Variants in PARL observed in about 807,000 individuals in gnomAD.
PARL encodes presenilin-associated rhomboid-like protein, mitochondrial.
Under a neutral mutation model 51.6 loss-of-function variants are expected in PARL, and 44 were observed. The observed-to-expected ratio is 0.85, with a 90% confidence interval of 0.67 to 1.10. The LOEUF is 1.10. PARL is among the 50% of genes least tolerant of loss of function. The probability of loss-of-function intolerance (pLI) is 0.00; values close to 1 mark genes in which losing one functional copy is unlikely to be tolerated. For missense variants in PARL, 441 were observed against 469.5 expected (o/e 0.94, Z 0.56); for synonymous variants, 172 against 164.0 (o/e 1.05, Z -0.37).
At chr3:183,832,527 T>C (rs975193892) in intron 9 of PARL, among the ~76,000 whole-genome samples, 1 of 152,040 alleles carries the variant, frequency 6.6e-6, no homozygotes, top group Non-Finnish European at 1.5e-5. Flanking sequence ...CCAGAATAGA[T>C]TTTTCTTTTT....
At chr3:183,827,361 G>C (rs1430304791), downstream of PARL, among the ~76,000 whole-genome samples, 2 of 152,110 alleles carry the variant, frequency 1.3e-5, no homozygotes, top group South Asian at 2.1e-4. Context: ...GCTGAGGCTT[G>C]AGCCCAGGAC....
At chr3:183,833,455 A>G (rs1172488999) in intron 9 of PARL, 37 bp downstream of exon 9, 3 of 1,275,832 alleles carry the variant, frequency 2.4e-6, no homozygotes, top group African/African-American at 1.5e-5. Context: ...GCATGACCCA[A>G]GGAAGCAGTT....
intron 4 of PARL, among the ~76,000 whole-genome samples, chr3:183,858,008 C>A (rs1248347202): frequency 6.6e-6 from 1 of 152,150 alleles, no homozygotes; most frequent in Non-Finnish European, 1.5e-5. Flanking sequence ...CCGTTCCTTG[C>A]CCCATCTGAG....
chr3:183,866,585 C>G, intron 3 of PARL, 40 bp downstream of exon 3: 2 of 1,572,656 alleles, frequency 1.3e-6, no homozygotes, highest in Non-Finnish European at 1.7e-6. Context: ...TTTTTAAAAC[C>G]GTGATTAACT....
intron 4 of PARL, chr3:183,846,504 A>C (rs1202639065): frequency 1.0e-6 from 1 of 983,700 alleles, no homozygotes; most frequent in African/African-American, 1.7e-5. Flanking sequence ...AAAAAAAAAA[A>C]GCGGGGGGAA....
chr3:183,830,277 G>A (rs1442494046), intron 9 of PARL, among the ~76,000 whole-genome samples: 2 of 152,194 alleles, frequency 1.3e-5, no homozygotes, highest in Admixed American at 6.5e-5. Flanking sequence ...CTGAAGCAAC[G>A]AGCCTGGGAG....
At chr3:183,855,750 A>C (rs13326679) in intron 4 of PARL, among the ~76,000 whole-genome samples, 1 of 151,774 alleles carries the variant, frequency 6.6e-6, no homozygotes, top group Non-Finnish European at 1.5e-5. Flanking sequence ...TAAGGAGTAC[A>C]CAACCTAGAT....
intron 7 of PARL, among the ~76,000 whole-genome samples, chr3:183,837,756 T>C (rs902525645): frequency 6.6e-6 from 1 of 152,174 alleles, no homozygotes; most frequent in Non-Finnish European, 1.5e-5. Flanking sequence ...TCTAAAATGA[T>C]CAGGCTTCAA....
intron 2 of PARL, among the ~76,000 whole-genome samples, chr3:183,867,660 A>G (rs1468455162): frequency 2.0e-5 from 3 of 151,372 alleles, no homozygotes; most frequent in African/African-American, 4.9e-5. Flanking sequence ...AGATCGCGCC[A>G]CTGCACTCCA....
At chr3:183,874,773 T>G (rs558058395) in intron 1 of PARL, among the ~76,000 whole-genome samples, 3 of 152,262 alleles carry the variant, frequency 2.0e-5, no homozygotes, top group African/African-American at 7.2e-5. Flanking sequence ...AACTTGTAAA[T>G]ACAAAGAAAC....
At position 183,884,871 on chromosome 3, in the gene PARL, G is replaced by A. The variant is rs374919404; in HGVS notation, c.-25C>T. 57 of 1,596,016 alleles carry A rather than the reference G, an allele frequency of 3.6e-5. No homozygotes were observed. In the African/African-American group the frequency reaches 5.7e-4, roughly 16 times the overall value. ...TCTTCCCAACCTCTGCCCCACCATG[G>A]CCCGACCTTACCAACCCCAGCTGCG... is the stretch of plus-strand genomic sequence containing the variant. On this transcript the variant is annotated 5_prime_UTR_variant, in exon 1 of 10. Transcript: ENST00000317096.
intron 1 of PARL, among the ~76,000 whole-genome samples, chr3:183,874,411 C>CTTT (rs71629997): frequency 7.8e-5 from 11 of 140,962 alleles, no homozygotes; most frequent in Non-Finnish European, 1.1e-4. Context: ...TAGAAATAAT[C>CTTT]TTTTTTTTTT....
rs1732520254 is a variant in PARL at position 183,866,694 on chromosome 3, A to G, written c.393T>C (p.Tyr131=). The G allele has an allele frequency of 1.9e-6, 3 of 1,612,210 alleles. No individual in the cohort carries two copies. The highest frequency in any genetic ancestry group is 2.5e-6 in the Non-Finnish European group (3 of 1,178,728). ...YESLKSRVQS[Y]FDGIKADWLD... is the part of the protein sequence containing the mutation. ...ACCAATCAGCTTTTATACCATCAAAATAACTCTGGACCCTGGATTTCAGTG... is the reference window on the plus strand; with the variant it reads ...ACCAATCAGCTTTTATACCATCAAAGTAACTCTGGACCCTGGATTTCAGTG... Residue 131 remains tyrosine (Y), a synonymous_variant, in exon 3 of 10, where the codon TAT becomes TAC. Coordinates refer to ENST00000317096, the MANE Select transcript of PARL (RefSeq NM_018622.7).
At chr3:183,853,672 G>A (rs1240282777) in intron 4 of PARL, among the ~76,000 whole-genome samples, 1 of 152,138 alleles carries the variant, frequency 6.6e-6, no homozygotes, top group Non-Finnish European at 1.5e-5. Context: ...CACGTGAAAA[G>A]ATGCTCAACA....
intron 1 of PARL, among the ~76,000 whole-genome samples, chr3:183,872,574 G>A (rs1029311680): frequency 6.6e-6 from 1 of 152,080 alleles, no homozygotes; most frequent in Non-Finnish European, 1.5e-5. Context: ...GTCTTATAAC[G>A]AATATCCTTT....
intron 4 of PARL, chr3:183,846,581 C>G: frequency 3.0e-6 from 3 of 984,814 alleles, no homozygotes; most frequent in Non-Finnish European, 3.6e-6. Context: ...TCAATCCAAA[C>G]GCAAGAAGCT....
chr3:183,860,847 G>A (rs958631907), intron 4 of PARL, among the ~76,000 whole-genome samples: 2 of 133,942 alleles, frequency 1.5e-5, no homozygotes, highest in Admixed American at 8.6e-5. Context: ...ACAGAGTCTC[G>A]CTCTGTCGTC....
At chr3:183,832,511 A>C (rs1386609285) in intron 9 of PARL, among the ~76,000 whole-genome samples, 2 of 151,946 alleles carry the variant, frequency 1.3e-5, no homozygotes, top group African/African-American at 4.8e-5. Context: ...GAGCCACTGC[A>C]CCTGGCCAGA....
At chr3:183,877,338 A>C (rs1442904156) in intron 1 of PARL, among the ~76,000 whole-genome samples, 2 of 152,242 alleles carry the variant, frequency 1.3e-5, no homozygotes, top group Non-Finnish European at 2.9e-5. Flanking sequence ...TGAGCAAAGG[A>C]AGTGGTTTCT....
Sources: gnomAD v4.1 joint callset for allele counts (sites outside exome capture counted in the v4.1 genomes callset) on GRCh38, gnomAD v4.1.1 for gene constraint, MANE v1.5 for transcripts, NCBI Gene and HGNC (gene_info 2026-07-23, HGNC 2026-07-21) for gene names.